Variants in PPP3CA observed in about 807,000 individuals in gnomAD.
PPP3CA encodes the protein CAM-PRP catalytic subunit.
Under a neutral mutation model 66.5 loss-of-function variants are expected in PPP3CA, and 14 were observed. That is an observed-to-expected ratio of 0.21 (90% CI 0.14 to 0.33). The LOEUF (loss-of-function observed/expected upper bound fraction) is 0.33, where lower values mean the gene tolerates loss of function less well. Ranked by LOEUF, PPP3CA falls within the 10% of genes least tolerant of loss-of-function variation. The pLI is 1.00. For synonymous variants in PPP3CA, 232 were observed against 226.2 expected (o/e 1.03, Z -0.23); for missense variants, 317 against 639.5 (o/e 0.50, Z 5.44).
chr4:101,250,409 T>C lies in PPP3CA; in HGVS notation c.59-54293A>G, dbSNP rs1053186860. 6 of 453,222 alleles carry C rather than the reference T, an allele frequency of 1.3e-5. No individual in the cohort carries two copies. The East Asian group carries it at 2.8e-4, about 21-fold the overall frequency. 28.1% of individuals were successfully genotyped at this position (453,222 alleles called of 1,614,324 possible). ...GACATAATAATGAGTATTTCATATGTTGCCATAAGAATATATTTAATAGAT... is the reference window on the plus strand; with the variant it reads ...GACATAATAATGAGTATTTCATATGCTGCCATAAGAATATATTTAATAGAT... On this transcript the variant is annotated intron_variant, in intron 1 of 13. Coordinates refer to ENST00000394854, the MANE Select transcript of PPP3CA (RefSeq NM_000944.5).
intron 1 of PPP3CA, among the ~76,000 whole-genome samples, chr4:101,274,994 A>G (rs765105579): frequency 7.9e-5 from 12 of 152,234 alleles, no homozygotes; most frequent in Non-Finnish European, 1.6e-4. Flanking sequence ...AAAATGTTCA[A>G]AAGTTCAAAA....
intron 3 of PPP3CA, among the ~76,000 whole-genome samples, chr4:101,101,118 C>T (rs1730421029): frequency 6.6e-6 from 1 of 152,002 alleles, no homozygotes; most frequent in Admixed American, 6.6e-5. Flanking sequence ...TTCTAATTAC[C>T]ACTTTCTGAT....
chr4:101,063,228 A>T lies in PPP3CA; in HGVS notation c.1081+4T>A, dbSNP rs919155461. The T allele has an allele frequency of 1.9e-6, 3 of 1,610,432 alleles. No homozygotes were observed. The African/African-American group carries it at 4.0e-5, about 22-fold the overall frequency. The stretch of plus-strand genomic sequence containing the variant: ...GAAGAACATCTCAGGATTCCACAAC[A>T]TACCTTTTTCCCCAACAAATGGAAG... On this transcript the variant is annotated splice_donor_region_variant and intron_variant, in intron 9 of 13. Coordinates refer to ENST00000394854, the MANE Select transcript of PPP3CA (RefSeq NM_000944.5).
At chr4:101,189,059 G>A (rs986515127) in intron 2 of PPP3CA, among the ~76,000 whole-genome samples, 12 of 151,980 alleles carry the variant, frequency 7.9e-5, no homozygotes, top group African/African-American at 2.4e-4. Context: ...TTGGGTGTTC[G>A]TCAACTATCT....
intron 1 of PPP3CA, among the ~76,000 whole-genome samples, chr4:101,308,849 T>G (rs1416366080): frequency 1.3e-5 from 2 of 152,200 alleles, no homozygotes; most frequent in Non-Finnish European, 2.9e-5. Flanking sequence ...ATTAAACATT[T>G]TTCCATTAGC....
chr4:101,326,150 G>A (rs1230055957), intron 1 of PPP3CA, among the ~76,000 whole-genome samples: 1 of 151,988 alleles, frequency 6.6e-6, no homozygotes, highest in Non-Finnish European at 1.5e-5. Context: ...AAAGGAAGGA[G>A]GGAATAAAGG....
chr4:101,024,108 G>A lies in PPP3CA; in HGVS notation c.*1757C>T, dbSNP rs1726509690. 1 of 152,210 alleles carries A rather than the reference G, an allele frequency of 6.6e-6. No homozygotes were observed. The highest frequency in any genetic ancestry group is 2.4e-5 in the African/African-American group (1 of 41,456). 9.4% of individuals were successfully genotyped at this position (152,210 alleles called of 1,614,324 possible). A position where few individuals can be genotyped will look rare whatever the true frequency, so the allele number is the denominator to read the frequency against. Reference sequence around the variant, plus strand: ...TTGAGGAAGCCAGAAGATGGCATCTGCTCTTTAAACAGGCTTCTCTTATCT... The same window carrying A: ...TTGAGGAAGCCAGAAGATGGCATCTACTCTTTAAACAGGCTTCTCTTATCT... On this transcript the variant is annotated 3_prime_UTR_variant, in exon 14 of 14. Coordinates refer to ENST00000394854, the MANE Select transcript of PPP3CA (RefSeq NM_000944.5).
chr4:101,033,757 G>A (rs1252070807), intron 11 of PPP3CA, among the ~76,000 whole-genome samples: 1 of 152,100 alleles, frequency 6.6e-6, no homozygotes, highest in East Asian at 1.9e-4. Flanking sequence ...ACCCCCAAAA[G>A]AAACTTCATA....
chr4:101,186,940 A>G (rs1472409117), intron 2 of PPP3CA, among the ~76,000 whole-genome samples: 1 of 152,016 alleles, frequency 6.6e-6, no homozygotes, highest in African/African-American at 2.4e-5. Flanking sequence ...AAAATTTACT[A>G]CTCATTGGGC....
chr4:101,157,905 G>A (rs1303706147), intron 2 of PPP3CA, among the ~76,000 whole-genome samples: 2 of 138,026 alleles, frequency 1.4e-5, no homozygotes, highest in Admixed American at 1.5e-4. Flanking sequence ...CAGTCTTCAT[G>A]ACCAGTTTCA....
chr4:101,033,285 C>CACACAA (rs1249046058), intron 11 of PPP3CA, among the ~76,000 whole-genome samples: 172 of 73,148 alleles, frequency 2.4e-3, no homozygotes, highest in Middle Eastern at 7.2e-3. Context: ...GACACACACA[C>CACACAA]ACACACAAAC....
At chr4:101,120,956 C>T (rs1722007423) in intron 2 of PPP3CA, among the ~76,000 whole-genome samples, 1 of 152,002 alleles carries the variant, frequency 6.6e-6, no homozygotes, top group African/African-American at 2.4e-5. Context: ...CCACAAATAT[C>T]TAAGGAAACT....
At chr4:101,274,293 C>A (rs920492962) in intron 1 of PPP3CA, among the ~76,000 whole-genome samples, 3 of 152,100 alleles carry the variant, frequency 2.0e-5, no homozygotes, top group Non-Finnish European at 4.4e-5. Context: ...GCCTAGGCGA[C>A]AGAGCAAGAC....
At chr4:101,200,527 T>C (rs1232161078) in intron 1 of PPP3CA, among the ~76,000 whole-genome samples, 1 of 151,976 alleles carries the variant, frequency 6.6e-6, no homozygotes, top group Admixed American at 6.6e-5. Context: ...CTTCCTGGAG[T>C]AGTCCTATAA....
intron 2 of PPP3CA, among the ~76,000 whole-genome samples, chr4:101,195,495 G>A (rs2110190161): frequency 6.6e-6 from 1 of 152,194 alleles, no homozygotes; most frequent in South Asian, 2.1e-4. Flanking sequence ...AAATGGTGAT[G>A]ATGATGATAC....
At chr4:101,166,098 G>C (rs1723686452) in intron 2 of PPP3CA, among the ~76,000 whole-genome samples, 2 of 152,110 alleles carry the variant, frequency 1.3e-5, no homozygotes, top group African/African-American at 2.4e-5. Context: ...CAACTTAAAA[G>C]TATTTTAGGA....
chr4:101,235,397 T>C (rs1178023994), intron 1 of PPP3CA, among the ~76,000 whole-genome samples: 4 of 149,686 alleles, frequency 2.7e-5, no homozygotes, highest in Non-Finnish European at 4.5e-5. Flanking sequence ...CAGACCTATA[T>C]GAGCATAAAC....
intron 1 of PPP3CA, among the ~76,000 whole-genome samples, chr4:101,251,024 A>G (rs1726659041): frequency 1.3e-5 from 2 of 152,056 alleles, no homozygotes; most frequent in South Asian, 4.1e-4. Flanking sequence ...AATGTTTTCA[A>G]TTTTATCAGA....
At chr4:101,253,011 G>C (rs1369461784) in intron 1 of PPP3CA, among the ~76,000 whole-genome samples, 1 of 152,090 alleles carries the variant, frequency 6.6e-6, no homozygotes, top group East Asian at 1.9e-4. Context: ...AATACACAGG[G>C]ACACCTCTCT....
Sources: allele counts gnomAD v4.1 joint callset (sites outside exome capture counted in the v4.1 genomes callset), GRCh38; gene constraint gnomAD v4.1.1; transcripts MANE v1.5; gene names NCBI Gene and HGNC (gene_info 2026-07-23, HGNC 2026-07-21).